The following ATF7IP variants were observed in gnomAD, a reference collection of about 807,000 sequenced individuals.
ATF7IP encodes the protein activating transcription factor 7 interacting protein, also known as activating transcription factor 7-interacting protein 1.
A neutral mutation model predicts 106.4 loss-of-function variants in ATF7IP; 23 were observed. The observed-to-expected ratio is 0.22, with a 90% CI of 0.16 to 0.31. ATF7IP has a LOEUF of 0.31. Ranked by LOEUF, ATF7IP falls within the 10% of genes least tolerant of loss-of-function variation. The pLI, the probability that ATF7IP is intolerant of heterozygous loss-of-function variation, is 1.00. For missense variants in ATF7IP, 1,334 were observed against 1,524.3 expected (o/e 0.88, Z 2.08); for synonymous variants, 542 against 539.0 (o/e 1.01, Z -0.08).
At chr12:14,431,085 C>G (rs1173608016) in intron 2 of ATF7IP, among the ~76,000 whole-genome samples, 4 of 152,182 alleles carry the variant, frequency 2.6e-5, no homozygotes, top group Admixed American at 1.3e-4. Context: ...AATGTAAATT[C>G]TATTTTGTAA....
intron 6 of ATF7IP, among the ~76,000 whole-genome samples, chr12:14,449,812 C>T (rs1833066314): frequency 6.6e-6 from 1 of 151,740 alleles, no homozygotes; most frequent in South Asian, 2.1e-4. Context: ...AATAATAAGA[C>T]TTCCCAATCC....
intron 2 of ATF7IP, among the ~76,000 whole-genome samples, chr12:14,431,678 G>A (rs111493191): frequency 0.48 from 72,886 of 151,798 alleles, 17,579 homozygotes; most frequent in Admixed American, 0.55. Context: ...ATAGGTGTGA[G>A]CCACCACACC....
At chr12:14,435,034 G>A (rs535552112) in intron 3 of ATF7IP, among the ~76,000 whole-genome samples, 3 of 152,104 alleles carry the variant, frequency 2.0e-5, no homozygotes, top group African/African-American at 7.2e-5. Flanking sequence ...GTTCCAGTGA[G>A]CAATGATTGA....
At chr12:14,422,594 T>G (rs1476246754) in intron 1 of ATF7IP, among the ~76,000 whole-genome samples, 2 of 152,216 alleles carry the variant, frequency 1.3e-5, no homozygotes, top group African/African-American at 2.4e-5. Flanking sequence ...GTCACTGATT[T>G]ACTTTCTGTC....
intron 5 of ATF7IP, among the ~76,000 whole-genome samples, chr12:14,445,351 C>G (rs1942907514): frequency 6.6e-6 from 1 of 151,754 alleles, no homozygotes; most frequent in African/African-American, 2.4e-5. Context: ...ACAGAAAATA[C>G]CTTCCCTTTC....
At chr12:14,399,394 C>G (rs1415632498) in intron 1 of ATF7IP, among the ~76,000 whole-genome samples, 1 of 151,414 alleles carries the variant, frequency 6.6e-6, no homozygotes, top group Non-Finnish European at 1.5e-5. Context: ...CAGTTTAATT[C>G]TTTCTCTTCT....
At chr12:14,486,379 C>CT (rs1944612616) in intron 13 of ATF7IP, among the ~76,000 whole-genome samples, 1 of 152,054 alleles carries the variant, frequency 6.6e-6, no homozygotes, top group African/African-American at 2.4e-5. Context: ...CAGAGATCTC[C>CT]TTGGGGAAGG....
At position 14,495,169 on chromosome 12, in the gene ATF7IP, T is replaced by G. The variant is rs930266108; in HGVS notation, c.3281-1062T>G. On this transcript the variant is annotated intron_variant, in intron 13 of 14. Transcript: ENST00000261168. ...AGCTGATTAGATTGTGCCCACCAGATGAAGGGTGGATCTGCCTTCCCCAGT... is the reference window on the plus strand; with the variant it reads ...AGCTGATTAGATTGTGCCCACCAGAGGAAGGGTGGATCTGCCTTCCCCAGT... Among the ~76,000 whole-genome samples, 6 of 152,292 alleles carry G rather than the reference T, an allele frequency of 3.9e-5. No homozygotes were observed. The East Asian group carries it at 9.6e-4, about 24-fold the overall frequency.
intron 1 of ATF7IP, among the ~76,000 whole-genome samples, chr12:14,422,525 A>G (rs7970587): frequency 0.55 from 82,823 of 151,954 alleles, 23,043 homozygotes; most frequent in African/African-American, 0.66. Flanking sequence ...CCTGTAAAGA[A>G]ATCCTGTACC....
Position 14,499,570 on chromosome 12 carries a change from T to C in ATF7IP, c.*1497T>C, listed in dbSNP as rs1945109440. ...AAGCTTCATTTCCTCTTTATTCTCT[T>C]TATCGTCCTTCCCATTTTAACCTTT... On this transcript the variant is annotated 3_prime_UTR_variant, in exon 15 of 15. Coordinates refer to ENST00000261168, the MANE Select transcript of ATF7IP (RefSeq NM_018179.5). The C allele has an allele frequency of 6.6e-6, 1 of 152,266 alleles. No homozygotes were observed. The highest frequency in any genetic ancestry group is 1.5e-5 in the Non-Finnish European group (1 of 68,058). 9.4% of individuals were successfully genotyped at this position (152,266 alleles called of 1,614,324 possible). A position where few individuals can be genotyped will look rare whatever the true frequency, so the allele number is the denominator to read the frequency against.
intron 1 of ATF7IP, among the ~76,000 whole-genome samples, chr12:14,411,833 C>G (rs1427664954): frequency 1.3e-5 from 2 of 150,902 alleles, no homozygotes; most frequent in Non-Finnish European, 3.0e-5. Context: ...TGCTTCTTCT[C>G]TTTGGGTCAT....
intron 8 of ATF7IP, among the ~76,000 whole-genome samples, chr12:14,460,258 A>G (rs966274399): frequency 6.6e-6 from 1 of 152,214 alleles, no homozygotes; most frequent in Non-Finnish European, 1.5e-5. Flanking sequence ...AGTCTTGCAT[A>G]TTAATCATCG....
intron 6 of ATF7IP, among the ~76,000 whole-genome samples, chr12:14,451,015 G>A (rs533484159): frequency 1.3e-5 from 2 of 151,984 alleles, no homozygotes; most frequent in East Asian, 1.9e-4. Flanking sequence ...CCTCAAGTGA[G>A]CCACCGCACC....
chr12:14,497,338 G>A (rs1945041699), intron 14 of ATF7IP, among the ~76,000 whole-genome samples: 1 of 152,124 alleles, frequency 6.6e-6, no homozygotes, highest in Admixed American at 6.5e-5. Flanking sequence ...AAATTATTTT[G>A]TTAGAAATAG....
intron 5 of ATF7IP, among the ~76,000 whole-genome samples, chr12:14,442,321 TG>T (rs1465864002): frequency 1.3e-5 from 2 of 151,682 alleles, no homozygotes; most frequent in East Asian, 1.9e-4. Context: ...GAGGGAAATA[TG>T]TTTTTTTGGT....
At chr12:14,489,965 G>T (rs796829084) in intron 13 of ATF7IP, among the ~76,000 whole-genome samples, 4 of 152,186 alleles carry the variant, frequency 2.6e-5, no homozygotes, top group Admixed American at 1.3e-4. Context: ...GATGGAAGAG[G>T]TCCAATATAA....
At chr12:14,385,489 C>G (rs1172394685) in intron 1 of ATF7IP, 9 of 1,229,850 alleles carry the variant, frequency 7.3e-6, no homozygotes, top group Non-Finnish European at 3.4e-6. Flanking sequence ...GAGGGGTGAA[C>G]TTAGAGCTTG....
intron 1 of ATF7IP, among the ~76,000 whole-genome samples, chr12:14,369,749 TTAAGA>T (rs537055745): frequency 1.2e-3 from 179 of 152,348 alleles, no homozygotes; most frequent in Admixed American, 4.7e-3. Flanking sequence ...ATATTGTGTG[TTAAGA>T]TAAGTTGCTA....
intron 13 of ATF7IP, chr12:14,482,741 A>T (rs1944471051): frequency 1.3e-5 from 2 of 152,214 alleles, no homozygotes; most frequent in African/African-American, 4.8e-5. Context: ...AATCAAGTTG[A>T]CATTCAGTGT....
Sources: gnomAD v4.1 joint callset for allele counts (sites outside exome capture counted in the v4.1 genomes callset) on GRCh38, gnomAD v4.1.1 for gene constraint, MANE v1.5 for transcripts, NCBI Gene and HGNC (gene_info 2026-07-23, HGNC 2026-07-21) for gene names.